The following ATP5MC2 variants were observed in gnomAD, a reference collection of about 807,000 sequenced individuals.
ATP5MC2 encodes ATP synthase F(0) complex subunit C2, mitochondrial.
A neutral mutation model predicts 13.5 loss-of-function variants in ATP5MC2; 11 were observed. That is an observed-to-expected ratio of 0.81 (90% CI 0.51 to 1.35). ATP5MC2 has a LOEUF of 1.35. Among genes scored for constraint, ATP5MC2 ranks in the 40% most tolerant of loss-of-function variants. The pLI is 0.00. For synonymous variants in ATP5MC2, 64 were observed against 69.7 expected (o/e 0.92, Z 0.41); for missense variants, 132 against 175.0 (o/e 0.75, Z 1.39).
intron 1 of ATP5MC2, among the ~76,000 whole-genome samples, chr12:53,674,426 T>TA (rs1321164553): frequency 6.6e-6 from 1 of 152,234 alleles, no homozygotes; most frequent in Non-Finnish European, 1.5e-5. Flanking sequence ...TAGGTATACT[T>TA]AACGCAAGAG....
At chr12:53,676,384 T>C (rs1477723820), upstream of ATP5MC2, 2 of 737,098 alleles carry the variant, frequency 2.7e-6, no homozygotes, top group African/African-American at 3.7e-5. Flanking sequence ...TTTCCGAGCA[T>C]GCGCAGTCGT....
intron 4 of ATP5MC2, among the ~76,000 whole-genome samples, 171 bp downstream of exon 4, chr12:53,668,977 C>T (rs1945012717): frequency 6.6e-6 from 1 of 152,138 alleles, no homozygotes; most frequent in Non-Finnish European, 1.5e-5. Flanking sequence ...GAGATTGCGC[C>T]ACTGCACTCC....
upstream of ATP5MC2, chr12:53,676,339 C>T: frequency 8.0e-7 from 1 of 1,251,424 alleles, no homozygotes; most frequent in East Asian, 2.5e-5. Context: ...GCGGTTTGGT[C>T]TGTACCGCGT....
upstream of ATP5MC2, chr12:53,677,022 C>A (rs1945294253): frequency 6.6e-6 from 1 of 152,346 alleles, no homozygotes; most frequent in Non-Finnish European, 1.5e-5. Context: ...CCCCTGCCGT[C>A]CCTGCATCGT....
intron 2 of ATP5MC2, among the ~76,000 whole-genome samples, chr12:53,671,302 C>T (rs1469926165): frequency 6.6e-6 from 1 of 152,202 alleles, no homozygotes; most frequent in Non-Finnish European, 1.5e-5. Context: ...ATCAAAATAT[C>T]ATCTCTTGGG....
chr12:53,675,952 G>A, intron 1 of ATP5MC2, 101 bp downstream of exon 1: 1 of 1,494,358 alleles, frequency 6.7e-7, no homozygotes. Flanking sequence ...AGAGGACCAG[G>A]GTGGGAGCAC....
At chr12:53,669,032 CA>C in intron 4 of ATP5MC2, 115 bp downstream of exon 4, 2 of 1,363,002 alleles carry the variant, frequency 1.5e-6, no homozygotes, top group South Asian at 4.0e-5. Context: ...AACAAACAAA[CA>C]AACAACATGT....
intron 4 of ATP5MC2, among the ~76,000 whole-genome samples, chr12:53,667,781 C>T (rs189508939): frequency 1.2e-4 from 18 of 151,934 alleles, no homozygotes; most frequent in Admixed American, 1.3e-4. Context: ...AGGCGTAAGG[C>T]ACCACACCCG....
chr12:53,667,972 TATATATATATATATATATATATAAA>T (rs1944976541), intron 4 of ATP5MC2, among the ~76,000 whole-genome samples: 3 of 49,918 alleles, frequency 6.0e-5, no homozygotes, highest in African/African-American at 3.7e-4. Flanking sequence ...TATATATATA[TATATATATATATATATATATATAAA>T]TTTTTTTTTT....
upstream of ATP5MC2, among the ~76,000 whole-genome samples, chr12:53,680,243 C>T (rs1402835406): frequency 6.6e-6 from 1 of 152,202 alleles, no homozygotes; most frequent in Non-Finnish European, 1.5e-5. Flanking sequence ...ACCTCAGCCT[C>T]CCAAAGTGTT....
chr12:53,669,798 C>T, intron 3 of ATP5MC2, 73 bp downstream of exon 3: 1 of 1,491,926 alleles, frequency 6.7e-7, no homozygotes, highest in South Asian at 1.1e-5. Flanking sequence ...AGCATTCTAC[C>T]TCCTGGTTCT....
upstream of ATP5MC2, chr12:53,677,322 C>G (rs1945302487): frequency 6.6e-6 from 1 of 152,250 alleles, no homozygotes; most frequent in South Asian, 2.1e-4. Context: ...CAGGCACACC[C>G]CGGCCGGCGA....
chr12:53,666,762 A>AAAAATAAAAT (rs141833154), intron 4 of ATP5MC2, among the ~76,000 whole-genome samples: 10 of 147,420 alleles, frequency 6.8e-5, no homozygotes, highest in African/African-American at 1.7e-4. Context: ...TCTGTCTCAA[A>AAAAATAAAAT]AAAATAAAAT....
intron 2 of ATP5MC2, among the ~76,000 whole-genome samples, chr12:53,671,176 T>C (rs1010526904): frequency 1.3e-5 from 2 of 152,246 alleles, no homozygotes; most frequent in South Asian, 2.1e-4. Context: ...TGGTGATTCA[T>C]AGCCAGGGCT....
chr12:53,679,238 C>CGA (rs59340879), upstream of ATP5MC2, among the ~76,000 whole-genome samples: 12,189 of 127,524 alleles, frequency 0.096, 707 homozygotes, highest in Middle Eastern at 0.11. Context: ...ATTTTAAAAA[C>CGA]GAGAGAGAGA....
chr12:53,676,197 G>A (rs749831233), upstream of ATP5MC2: 5 of 1,612,584 alleles, frequency 3.1e-6, no homozygotes, highest in East Asian at 1.1e-4. Context: ...AGGCATCACA[G>A]CGCCGCCTGC....
At chr12:53,676,314 T>G (rs748611645), upstream of ATP5MC2, 2 of 1,449,340 alleles carry the variant, frequency 1.4e-6, no homozygotes, top group African/African-American at 1.4e-5. Flanking sequence ...AGTAAGCCGA[T>G]CCGTAACGTG....
intron 2 of ATP5MC2, among the ~76,000 whole-genome samples, chr12:53,671,667 A>G (rs2138034569): frequency 6.6e-6 from 1 of 152,330 alleles, no homozygotes; most frequent in East Asian, 1.9e-4. Context: ...ATATAGTTTC[A>G]GGAGTAGGAA....
chr12:53,670,942 A>G (rs1945078655), intron 2 of ATP5MC2, among the ~76,000 whole-genome samples: 1 of 151,388 alleles, frequency 6.6e-6, no homozygotes, highest in South Asian at 2.1e-4. Context: ...GTTTCTAATG[A>G]ATGCATATCA....
Sources: gnomAD v4.1 joint callset for allele counts (sites outside exome capture counted in the v4.1 genomes callset) on GRCh38, gnomAD v4.1.1 for gene constraint, MANE v1.5 for transcripts, NCBI Gene and HGNC (gene_info 2026-07-23, HGNC 2026-07-21) for gene names.